BRINP3: variants seen among roughly 807,000 people sequenced by gnomAD.
The protein encoded by BRINP3 is BMP/retinoic acid-inducible neural-specific protein 3.
A neutral mutation model predicts 71.0 loss-of-function variants in BRINP3; 19 were observed. The observed-to-expected ratio is 0.27, with a 90% confidence interval of 0.19 to 0.39. The LOEUF (loss-of-function observed/expected upper bound fraction) is 0.39. Among genes scored for constraint, BRINP3 ranks in the 10% least tolerant of loss-of-function variants. The probability of loss-of-function intolerance (pLI) is 1.00; values close to 1 mark genes in which losing one functional copy is unlikely to be tolerated. For missense variants in BRINP3, 959 were observed against 940.8 expected (o/e 1.02, Z -0.25); for synonymous variants, 380 against 337.7 (o/e 1.13, Z -1.37).
At chr1:190,356,786 G>A (rs1452144223) in intron 2 of BRINP3, among the ~76,000 whole-genome samples, 1 of 152,022 alleles carries the variant, frequency 6.6e-6, no homozygotes, top group Non-Finnish European at 1.5e-5. Flanking sequence ...CATCTGTGGG[G>A]AACAATTACC....
chr1:190,250,158 G>A (rs1455421486), intron 4 of BRINP3, among the ~76,000 whole-genome samples: 2 of 151,834 alleles, frequency 1.3e-5, no homozygotes, highest in Non-Finnish European at 2.9e-5. Context: ...TCTATGCCAA[G>A]CACATCCTCT....
At chr1:190,312,205 T>C (rs1459173264) in intron 2 of BRINP3, among the ~76,000 whole-genome samples, 1 of 150,782 alleles carries the variant, frequency 6.6e-6, no homozygotes, top group East Asian at 1.9e-4. Context: ...AAATTGCGAA[T>C]TTATGTTATT....
intron 3 of BRINP3, among the ~76,000 whole-genome samples, chr1:190,271,424 G>T (rs939589860): frequency 1.3e-5 from 2 of 151,474 alleles, no homozygotes; most frequent in Non-Finnish European, 3.0e-5. Flanking sequence ...GCTGTAAAGG[G>T]TTTGTAATAT....
intron 7 of BRINP3, among the ~76,000 whole-genome samples, chr1:190,106,687 T>C (rs1164753212): frequency 1.3e-5 from 2 of 151,708 alleles, no homozygotes; most frequent in Admixed American, 6.6e-5. Context: ...TTTTTTATTA[T>C]ACTTTAAGTT....
At chr1:190,243,863 TA>T (rs1409370831) in intron 4 of BRINP3, among the ~76,000 whole-genome samples, 1 of 152,158 alleles carries the variant, frequency 6.6e-6, no homozygotes, top group Non-Finnish European at 1.5e-5. Context: ...ATATTCATTT[TA>T]CAAATGAAAG....
At chr1:190,446,187 A>G (rs558255010) in intron 2 of BRINP3, among the ~76,000 whole-genome samples, 1 of 152,202 alleles carries the variant, frequency 6.6e-6, no homozygotes, top group South Asian at 2.1e-4. Context: ...TTAAATAACA[A>G]AAATTAAAAC....
At chr1:190,377,775 T>C (rs897097154) in intron 2 of BRINP3, among the ~76,000 whole-genome samples, 23 of 151,712 alleles carry the variant, frequency 1.5e-4, no homozygotes, top group Admixed American at 3.9e-4. Context: ...AAAACTATTC[T>C]ACCTACAACA....
intron 7 of BRINP3, among the ~76,000 whole-genome samples, chr1:190,141,555 C>CTTTTTTTTTTTTTTTTTTTTT (rs35090212): frequency 1.2e-5 from 1 of 82,376 alleles, no homozygotes; most frequent in Non-Finnish European, 2.1e-5. Flanking sequence ...TCTTTCTTTC[C>CTTTTTTTTTTTTTTTTTTTTT]TTTTTTTTTT....
At chr1:190,412,001 C>T (rs985093290) in intron 2 of BRINP3, among the ~76,000 whole-genome samples, 1 of 152,092 alleles carries the variant, frequency 6.6e-6, no homozygotes, top group Non-Finnish European at 1.5e-5. Flanking sequence ...TACCACACAG[C>T]CTCAGGCCAC....
chr1:190,311,167 T>C (rs1204369165), intron 2 of BRINP3, among the ~76,000 whole-genome samples: 1 of 151,754 alleles, frequency 6.6e-6, no homozygotes, highest in Non-Finnish European at 1.5e-5. Context: ...CCCATGTGCT[T>C]TTATCATAAA....
At chr1:190,294,619 C>T (rs1042818146) in intron 2 of BRINP3, among the ~76,000 whole-genome samples, 5 of 152,086 alleles carry the variant, frequency 3.3e-5, no homozygotes, top group African/African-American at 9.7e-5. Flanking sequence ...TGGTGACTGG[C>T]ACTTTATTTA....
chr1:190,340,938 C>G (rs141299593), intron 2 of BRINP3, among the ~76,000 whole-genome samples: 3 of 151,766 alleles, frequency 2.0e-5, no homozygotes, highest in African/African-American at 4.8e-5. Flanking sequence ...CTTTTTAAGG[C>G]TTAAAGATGT....
intron 2 of BRINP3, among the ~76,000 whole-genome samples, chr1:190,318,241 T>C (rs1385963972): frequency 6.6e-6 from 1 of 152,104 alleles, no homozygotes; most frequent in Non-Finnish European, 1.5e-5. Context: ...CATTTATTTA[T>C]TTCCTCCTGA....
chr1:190,350,157 A>G (rs531324251), intron 2 of BRINP3, among the ~76,000 whole-genome samples: 1 of 152,256 alleles, frequency 6.6e-6, no homozygotes, highest in East Asian at 1.9e-4. Flanking sequence ...ATTAGAGCTT[A>G]TAGGATCATT....
chr1:190,421,291 CATT>C (rs78369563), intron 2 of BRINP3, among the ~76,000 whole-genome samples: 263 of 132,028 alleles, frequency 2.0e-3, no homozygotes, highest in African/African-American at 4.7e-3. Context: ...ACAAGATTCT[CATT>C]ATTATTATTA....
chr1:190,118,286 T>A (rs1653321003), intron 7 of BRINP3, among the ~76,000 whole-genome samples: 1 of 152,144 alleles, frequency 6.6e-6, no homozygotes, highest in South Asian at 2.1e-4. Flanking sequence ...TTGTTTATAG[T>A]CCCAGCATAA....
At chr1:190,337,568 C>T (rs991267322) in intron 2 of BRINP3, among the ~76,000 whole-genome samples, 1 of 151,994 alleles carries the variant, frequency 6.6e-6, no homozygotes, top group African/African-American at 2.4e-5. Flanking sequence ...TGCCCTCGAA[C>T]ATCAGACTCC....
intron 7 of BRINP3, among the ~76,000 whole-genome samples, chr1:190,118,375 G>A (rs1451248970): frequency 6.6e-6 from 1 of 151,938 alleles, no homozygotes; most frequent in Non-Finnish European, 1.5e-5. Context: ...CTTATTGACT[G>A]GTGCTTATAC....
chr1:190,450,199 T>C (rs1363633514), intron 2 of BRINP3, among the ~76,000 whole-genome samples: 1 of 152,096 alleles, frequency 6.6e-6, no homozygotes, highest in Admixed American at 6.6e-5. Flanking sequence ...AAGTTGCTAT[T>C]AGGATCCAAC....
Sources: allele counts gnomAD v4.1 joint callset (sites outside exome capture counted in the v4.1 genomes callset), GRCh38; gene constraint gnomAD v4.1.1; transcripts MANE v1.5; gene names NCBI Gene and HGNC (gene_info 2026-07-23, HGNC 2026-07-21).